The following MFSD8 variants were observed in gnomAD, a reference collection of about 807,000 sequenced individuals.
The protein encoded by MFSD8 is major facilitator superfamily domain containing 8.
In MFSD8, 55 loss-of-function variants were observed where a neutral mutation model predicts 66.4. That is an observed-to-expected ratio of 0.83 (90% confidence interval 0.67 to 1.04). The LOEUF (loss-of-function observed/expected upper bound fraction) is 1.04, where lower values mean the gene tolerates loss of function less well. Ranked by LOEUF, MFSD8 falls within the 50% of genes least tolerant of loss-of-function variation. The probability of loss-of-function intolerance (pLI) is 0.00; values close to 1 mark genes in which losing one functional copy is unlikely to be tolerated. For synonymous variants in MFSD8, 202 were observed against 212.8 expected, an observed-to-expected ratio of 0.95 and a Z score of 0.44; for missense variants, 550 against 627.6, an observed-to-expected ratio of 0.88 and a Z score of 1.32.
At chr4:127,956,148 A>C (rs1044180746) in intron 2 of MFSD8, among the ~76,000 whole-genome samples, 5 of 151,606 alleles carry the variant, frequency 3.3e-5, no homozygotes, top group African/African-American at 1.2e-4. Context: ...AAATTTTTTT[A>C]AAAAGAAATT....
intron 1 of MFSD8, among the ~76,000 whole-genome samples, chr4:127,963,434 G>A (rs1223249045): frequency 2.6e-5 from 4 of 152,174 alleles, no homozygotes; most frequent in Admixed American, 1.3e-4. Context: ...ATGAAGCTGC[G>A]GACCCTCGCG....
Position 127,920,503 on chromosome 4 carries a change from CT to C in MFSD8, c.*126del. 1.1e-6 allele frequency: 1 copy of C among 886,274 alleles called. No individual in the cohort carries two copies. Among genetic ancestry groups the C allele is most frequent in the African/African-American group, 1.6e-5 (1 of 61,078 alleles). 54.9% of individuals were successfully genotyped at this position (886,274 alleles called of 1,614,324 possible). On this transcript the variant is annotated 3_prime_UTR_variant, in exon 12 of 12. Transcript: ENST00000641686. ...TTCTCTCTGTTATTCAACATATGTTCTTGTTCTTCAAAATCTGCAATATCTG... is the reference window on the plus strand; with the variant it reads ...TTCTCTCTGTTATTCAACATATGTTCTGTTCTTCAAAATCTGCAATATCTG...
chr4:127,941,916 T>TAA, intron 5 of MFSD8, 129 bp downstream of exon 5: 4 of 686,990 alleles, frequency 5.8e-6, no homozygotes, highest in African/African-American at 3.6e-5. Flanking sequence ...ATTCCTGGAT[T>TAA]AAAAAAAAAA....
chr4:127,940,037 A>G, intron 5 of MFSD8, 40 bp from the exon 6 acceptor site: 1 of 1,547,260 alleles, frequency 6.5e-7, no homozygotes. Context: ...TTATTATATG[A>G]GAAGCATAGG....
chr4:127,917,753 C>A (rs923528659), downstream of MFSD8: 2 of 152,080 alleles, frequency 1.3e-5, no homozygotes, highest in Non-Finnish European at 2.9e-5. Context: ...ATAGTGGGTA[C>A]CCCCTTAAAT....
intron 2 of MFSD8, among the ~76,000 whole-genome samples, chr4:127,952,969 A>G (rs1560769340): frequency 6.6e-6 from 1 of 152,186 alleles, no homozygotes; most frequent in Non-Finnish European, 1.5e-5. Context: ...TTGAGTACTA[A>G]AAACCAGAAG....
At chr4:127,964,299 C>T (rs1305549992) in intron 1 of MFSD8, among the ~76,000 whole-genome samples, 1 of 152,220 alleles carries the variant, frequency 6.6e-6, no homozygotes, top group Non-Finnish European at 1.5e-5. Context: ...CGGCGCTCAT[C>T]GGGGAGGCTC....
chr4:127,945,994 C>T (rs1368956948), intron 3 of MFSD8, among the ~76,000 whole-genome samples: 1 of 150,862 alleles, frequency 6.6e-6, no homozygotes, highest in Non-Finnish European at 1.5e-5. Context: ...AATCTTGGCT[C>T]ACTGTAACCT....
Position 127,921,907 on chromosome 4 carries a change from A to T in MFSD8, c.1055T>A (p.Phe352Tyr). The change falls in exon 10 of 12, where the codon TTT (phenylalanine) becomes TAT (tyrosine). Residue 352 changes from phenylalanine (F) to tyrosine (Y), a missense_variant. Phe to Tyr is a conservative substitution (Grantham distance 22). Coordinates refer to ENST00000641686, the MANE Select transcript of MFSD8 (RefSeq NM_001371596.2). ...TTGATTTCCCCAAGGTAACAAGATA[A>T]AGAAGCCAACCCATACAACGATGAG... is the stretch of plus-strand genomic sequence containing the variant. ...GGLIVVWVGF[F>Y]ILLPWGNQFP... 1 of 1,614,168 alleles carries T rather than the reference A, an allele frequency of 6.2e-7. No individual in the cohort carries two copies.
chr4:127,945,214 T>C (rs1175269946), intron 3 of MFSD8: 2 of 152,228 alleles, frequency 1.3e-5, no homozygotes, highest in Non-Finnish European at 2.9e-5. Flanking sequence ...TATTAAATTT[T>C]AGGAAATAAA....
chr4:127,919,901 AG>A lies in MFSD8; in HGVS notation c.*728del. 6.6e-6 allele frequency: 1 copy of A among 151,720 alleles called. No individual in the cohort carries two copies. Among genetic ancestry groups the A allele is most frequent in the South Asian group, 2.1e-4 (1 of 4,832 alleles). The allele number at this position is 151,720 out of a possible 1,614,324, so 9.4% of individuals were successfully genotyped here. A position where few individuals can be genotyped will look rare whatever the true frequency, so the allele number is the denominator to read the frequency against. On this transcript the variant is annotated 3_prime_UTR_variant, in exon 12 of 12. Coordinates refer to ENST00000641686, the MANE Select transcript of MFSD8 (RefSeq NM_001371596.2). ...CTAATGTGAATTTTTGGCATTTGAA[AG>A]AAAGTAGGTATCCCTATTAGGCTAA...
intron 9 of MFSD8, among the ~76,000 whole-genome samples, chr4:127,923,326 G>A (rs1438863254): frequency 6.6e-6 from 1 of 152,014 alleles, no homozygotes; most frequent in Non-Finnish European, 1.5e-5. Context: ...ATTGAGTGTT[G>A]TTAGCATGAA....
In MFSD8 at chr4:127,927,361, C is replaced by T. The variant is rs542260449; in HGVS notation, c.998+3322G>A. Among the ~76,000 whole-genome samples the T allele has an allele frequency of 5.9e-5, 9 of 152,110 alleles. No individual in the cohort carries two copies. The South Asian group carries it at 1.0e-3, about 18-fold the overall frequency. On this transcript the variant is annotated intron_variant, in intron 9 of 11. Coordinates refer to ENST00000641686, the MANE Select transcript of MFSD8 (RefSeq NM_001371596.2). The stretch of plus-strand genomic sequence containing the variant: ...CAGCTAATTTTTGTGTATTTAGTTA[C>T]GACGGGGTTTCACCACGTTGGCCGG...
At chr4:127,938,066 T>A (rs748878466) in intron 7 of MFSD8, among the ~76,000 whole-genome samples, 6 of 151,998 alleles carry the variant, frequency 3.9e-5, no homozygotes, top group Admixed American at 1.3e-4. Flanking sequence ...ATTTCTAAAG[T>A]ATACCAAAAC....
upstream of MFSD8, chr4:127,965,319 A>G: frequency 1.4e-6 from 1 of 705,526 alleles, no homozygotes; most frequent in Non-Finnish European, 2.5e-6. Flanking sequence ...GCAGGGCGAA[A>G]GGAGGCTGTG....
At chr4:127,957,439 A>C (rs1166480228) in intron 2 of MFSD8, 62 bp downstream of exon 2, 4 of 1,126,522 alleles carry the variant, frequency 3.6e-6, no homozygotes, top group Admixed American at 1.9e-5. Flanking sequence ...TAAATGAAGT[A>C]AATGAAGTTA....
chr4:127,921,386 A>C, intron 11 of MFSD8, 138 bp downstream of exon 11: 1 of 1,417,550 alleles, frequency 7.1e-7, no homozygotes, highest in Non-Finnish European at 9.7e-7. Flanking sequence ...AAGTTGTGGG[A>C]TTTTTAAAAA....
At chr4:127,935,343 C>T (rs1038017534) in intron 7 of MFSD8, among the ~76,000 whole-genome samples, 2 of 152,170 alleles carry the variant, frequency 1.3e-5, no homozygotes, top group African/African-American at 4.8e-5. Flanking sequence ...TTTCCTATAG[C>T]TTCTACTCAG....
intron 2 of MFSD8, among the ~76,000 whole-genome samples, chr4:127,953,133 C>G (rs546195618): frequency 6.6e-6 from 1 of 152,080 alleles, no homozygotes; most frequent in Non-Finnish European, 1.5e-5. Context: ...TCTCCATGTT[C>G]GATCCCAGAG....
Sources: gnomAD v4.1 joint callset for allele counts (sites outside exome capture counted in the v4.1 genomes callset) on GRCh38, gnomAD v4.1.1 for gene constraint, MANE v1.5 for transcripts, NCBI Gene and HGNC (gene_info 2026-07-23, HGNC 2026-07-21) for gene names.